TTC6: variants seen among roughly 807,000 people sequenced by gnomAD.
The protein encoded by TTC6 is tetratricopeptide repeat domain 6, also known as tetratricopeptide repeat protein 6.
A neutral mutation model predicts 210.4 loss-of-function variants in TTC6; 172 were observed. The ratio of observed to expected loss-of-function variants is 0.82; its 90% CI spans 0.72 to 0.93. TTC6 has a LOEUF of 0.93. Among genes scored for constraint, TTC6 ranks in the 40% least tolerant of loss-of-function variants. The pLI is 0.00. For missense variants in TTC6, 2,414 were observed against 2,318.1 expected, an observed-to-expected ratio of 1.04 and a Z score of -0.85; for synonymous variants, 804 against 819.6, an observed-to-expected ratio of 0.98 and a Z score of 0.32.
intron 30 of TTC6, 48 bp from the exon 33 acceptor site, chr14:37,842,107 T>G: frequency 7.0e-7 from 1 of 1,430,422 alleles, no homozygotes; most frequent in Non-Finnish European, 9.2e-7. Context: ...AAAGAGACTA[T>G]TTTTTGAGTG....
chr14:37,738,821 C>A (rs996820187), exon 10 of TTC6: 1 of 1,530,054 alleles, frequency 6.5e-7, no homozygotes, highest in Non-Finnish European at 8.7e-7. Context: ...GATCATAGCT[C>A]CTTTGGAAAT....
intron 18 of TTC6, among the ~76,000 whole-genome samples, chr14:37,795,872 A>G (rs1264400340): frequency 6.6e-6 from 1 of 152,122 alleles, no homozygotes; most frequent in African/African-American, 2.4e-5. Flanking sequence ...AAAAATATAA[A>G]CTTTTAAGGA....
chr14:37,688,607 A>AAGAG (rs1203832579), intron 3 of TTC6, among the ~76,000 whole-genome samples: 1 of 151,404 alleles, frequency 6.6e-6, no homozygotes, highest in African/African-American at 2.4e-5. Context: ...GAGAGAGAGA[A>AAGAG]AGAGAGAGAG....
chr14:37,768,120 G>A (rs1241100186), intron 14 of TTC6, among the ~76,000 whole-genome samples: 11 of 150,736 alleles, frequency 7.3e-5, no homozygotes, highest in Non-Finnish European at 1.3e-4. Flanking sequence ...TAGATATGCG[G>A]CGTTATTTCT....
At chr14:37,807,426 A>G (rs74824955) in exon 23 of TTC6, 207 of 1,529,426 alleles carry the variant, frequency 1.4e-4, no homozygotes, top group Non-Finnish European at 1.6e-4. Context: ...GTACGTGCCT[A>G]TCTCTACAGA....
chr14:37,781,540 G>A (rs1011074099), intron 14 of TTC6, among the ~76,000 whole-genome samples: 3 of 152,092 alleles, frequency 2.0e-5, no homozygotes, highest in Non-Finnish European at 4.4e-5. Flanking sequence ...TTTGTCAGAT[G>A]GGTAGATTGC....
At chr14:37,748,603 C>T (rs185275506) in intron 10 of TTC6, among the ~76,000 whole-genome samples, 76 of 151,842 alleles carry the variant, frequency 5.0e-4, no homozygotes, top group Non-Finnish European at 6.5e-4. Flanking sequence ...TTTTTTCTCA[C>T]GTTATGTTTA....
intron 1 of TTC6, among the ~76,000 whole-genome samples, chr14:37,658,141 T>G (rs2095728799): frequency 6.6e-6 from 1 of 152,218 alleles, no homozygotes; most frequent in African/African-American, 2.4e-5. Flanking sequence ...ATTCAAAACA[T>G]TATTAATGGA....
intron 1 of TTC6, among the ~76,000 whole-genome samples, chr14:37,604,773 G>C (rs867633913): frequency 2.6e-5 from 4 of 152,092 alleles, no homozygotes; most frequent in Admixed American, 1.3e-4. Context: ...AGATGAGAAA[G>C]CAAGACTCTT....
At chr14:37,680,182 A>G in exon 2 of TTC6, 1 of 1,533,608 alleles carries the variant, frequency 6.5e-7, no homozygotes, top group Non-Finnish European at 8.7e-7. Flanking sequence ...ATGTACCTCA[A>G]AACATCACCT....
intron 1 of TTC6, among the ~76,000 whole-genome samples, chr14:37,605,896 T>G (rs765309989): frequency 1.5e-4 from 19 of 122,622 alleles, no homozygotes; most frequent in South Asian, 4.8e-4. Flanking sequence ...TATTCACAGG[T>G]TTTTTTTTTT....
At chr14:37,649,878 T>TGTCA (rs545014027) in intron 1 of TTC6, among the ~76,000 whole-genome samples, 52 of 152,310 alleles carry the variant, frequency 3.4e-4, no homozygotes, top group African/African-American at 1.2e-3. Context: ...TGTTATATAT[T>TGTCA]GTCAGTTATT....
At chr14:37,697,352 T>A (rs774243714) in intron 4 of TTC6, among the ~76,000 whole-genome samples, 10 of 152,158 alleles carry the variant, frequency 6.6e-5, no homozygotes, top group Non-Finnish European at 1.2e-4. Flanking sequence ...ACCACAATTT[T>A]AAATAATAGT....
chr14:37,690,647 A>G (rs1362964306), intron 3 of TTC6, among the ~76,000 whole-genome samples: 5 of 152,194 alleles, frequency 3.3e-5, no homozygotes, highest in Non-Finnish European at 7.3e-5. Context: ...GTCACTAAAC[A>G]ATCATAAACA....
At chr14:37,626,505 A>C (rs963630089) in intron 1 of TTC6, among the ~76,000 whole-genome samples, 15 of 152,210 alleles carry the variant, frequency 9.9e-5, no homozygotes, top group Admixed American at 6.5e-4. Context: ...TGAAATAGAT[A>C]TCCTTTTTCT....
chr14:37,634,503 A>G lies in TTC6; in HGVS notation c.939+11500A>G, dbSNP rs550991989. Among the ~76,000 whole-genome samples the G allele has an allele frequency of 3.5e-4, 53 of 152,320 alleles. No individual in the cohort carries two copies. In the South Asian group the frequency reaches 6.8e-3, roughly 20 times the overall value. The stretch of plus-strand genomic sequence containing the variant: ...GACCTGTGGGACTAAAACAAAAGAC[A>G]TAACTTGGTGTCATCATAGTCCTGG... On this transcript the variant is annotated intron_variant, in intron 1 of 30. Coordinates refer to ENST00000553443, the Ensembl canonical transcript of TTC6.
At chr14:37,772,679 C>A (rs2096023749) in intron 14 of TTC6, 1 of 157,008 alleles carries the variant, frequency 6.4e-6, no homozygotes, top group African/African-American at 2.4e-5. Flanking sequence ...ACGGTGCGCG[C>A]ACCCACTGAC....
At chr14:37,732,477 C>T (rs2095889760) in intron 7 of TTC6, among the ~76,000 whole-genome samples, 1 of 151,336 alleles carries the variant, frequency 6.6e-6, no homozygotes, top group Non-Finnish European at 1.5e-5. Flanking sequence ...GCCACCACGC[C>T]CGGCCTTATG....
At chr14:37,670,324 A>G (rs1263328968) in intron 1 of TTC6, among the ~76,000 whole-genome samples, 2 of 152,162 alleles carry the variant, frequency 1.3e-5, no homozygotes, top group African/African-American at 4.8e-5. Context: ...AGTTACTGAC[A>G]ATATAGTGAA....
Sources: allele counts gnomAD v4.1 joint callset (sites outside exome capture counted in the v4.1 genomes callset), GRCh38; gene constraint gnomAD v4.1.1; transcripts MANE v1.5; gene names NCBI Gene and HGNC (gene_info 2026-07-23, HGNC 2026-07-21).